TCEAL5: variants seen among roughly 807,000 people sequenced by gnomAD.
The protein encoded by TCEAL5 is transcription elongation factor A protein-like 5.
For synonymous variants in TCEAL5, 65 were observed against 61.2 expected (o/e 1.06, Z -0.29); for missense variants, 111 against 158.1 (o/e 0.70, Z 1.60).
chrX:103,276,273 CCT>C (rs1158930746), intron 1 of TCEAL5, among the ~76,000 whole-genome samples: 2 of 109,414 alleles, frequency 1.8e-5, no homozygotes, highest in Admixed American at 1.9e-4. Context: ...CAACCCTTGA[CCT>C]CTCTCGAGTT....
chrX:103,275,610 C>A (rs924058849), intron 1 of TCEAL5, among the ~76,000 whole-genome samples: 68 of 111,726 alleles, frequency 6.1e-4, no homozygotes, highest in African/African-American at 2.2e-3. Context: ...ATTTTTATCT[C>A]ACTTTTCTGG....
chrX:103,274,598 A>G lies in TCEAL5; in HGVS notation c.-27-8T>C. 1 of 1,162,504 alleles carries G rather than the reference A, an allele frequency of 8.6e-7. No homozygotes were observed. The highest frequency in any genetic ancestry group is 1.1e-6 in the Non-Finnish European group (1 of 875,684). On this transcript the variant is annotated splice_region_variant and splice_polypyrimidine_tract_variant and intron_variant, in intron 2 of 2. Coordinates refer to ENST00000372680, the MANE Select transcript of TCEAL5 (RefSeq NM_001012979.3). ...TTCCCTTCTTTGCCTTTCCTAGGAG[A>G]CAAAAAGAAGACACAGGACACTGAG...
At position 103,273,874 on chromosome X, in the gene TCEAL5, A is replaced by G. The variant is rs1925499883; in HGVS notation, c.*69T>C. Reference sequence around the variant, plus strand: ...TAAGGTTAAAGCACATAGGCCGGCAAATGCCTGCCAGGAAAAGCAGGACTG... The same window carrying G: ...TAAGGTTAAAGCACATAGGCCGGCAGATGCCTGCCAGGAAAAGCAGGACTG... On this transcript the variant is annotated 3_prime_UTR_variant, in exon 3 of 3. Coordinates refer to ENST00000372680, the MANE Select transcript of TCEAL5 (RefSeq NM_001012979.3). The G allele has an allele frequency of 1.7e-6, 2 of 1,161,247 alleles. No homozygotes were observed. Among genetic ancestry groups the G allele is most frequent in the Non-Finnish European group, 1.2e-6 (1 of 867,484 alleles).
At position 103,273,988 on chromosome X, in the gene TCEAL5, G is replaced by A. The variant is rs1338640002; in HGVS notation, c.576C>T (p.Gly192=). 3 of 1,211,720 alleles carry A rather than the reference G, an allele frequency of 2.5e-6. No individual in the cohort carries two copies. The highest frequency in any genetic ancestry group is 3.4e-6 in the Non-Finnish European group (3 of 895,456). Residue 192 remains glycine, a synonymous_variant, in exon 3 of 3, where the codon GGC becomes GGT. Coordinates refer to ENST00000372680, the MANE Select transcript of TCEAL5 (RefSeq NM_001012979.3). ...RGQRGVRGVR[G]GGRGQKDLED... ...CTAAGTCTTTCTGGCCCCTACCTCC[G>A]CCCCTCACTCCCCTCACACCCCGTT...
intron 1 of TCEAL5, among the ~76,000 whole-genome samples, chrX:103,275,887 G>C (rs896871829): frequency 2.7e-5 from 3 of 112,048 alleles, no homozygotes; most frequent in African/African-American, 3.2e-5. Context: ...TAACATTTTT[G>C]GTCTTGCTGC....
intron 2 of TCEAL5, 95 bp from the exon 3 acceptor site, chrX:103,274,685 G>A (rs1925525861): frequency 3.4e-6 from 3 of 881,995 alleles, no homozygotes; most frequent in Non-Finnish European, 1.5e-6. Context: ...GGGTTTTCCT[G>A]GCCCTATCCC....
rs1411207734 is a variant in TCEAL5, at chrX:103,274,222, C to G, written c.342G>C (p.Arg114=). 5 of 1,179,187 alleles carry G rather than the reference C, an allele frequency of 4.2e-6. No homozygotes were observed. The highest frequency in any genetic ancestry group is 5.7e-6 in the Non-Finnish European group (5 of 876,334). ...CCCTGTCGGTTTTTCTTTTTGCTTT[C>G]CGGGGCACATAATCTTCAGCCGGGC... The part of the protein sequence containing the change: ...EKRPAEDYVP[R]KAKRKTDRGT... Residue 114 remains arginine, a synonymous_variant, in exon 3 of 3, where the codon CGG becomes CGC. Transcript: ENST00000372680.
rs1385646878 is a variant in TCEAL5, at chrX:103,275,281, C to T, written c.-34G>A. 4 of 111,652 alleles carry T rather than the reference C, an allele frequency of 3.6e-5. No homozygotes were observed. Among genetic ancestry groups the T allele is most frequent in the Non-Finnish European group, 5.6e-5 (3 of 53,104 alleles). The allele number at this position is 111,652 out of a possible 1,213,427, so 9.2% of individuals were successfully genotyped here. On this transcript the variant is annotated 5_prime_UTR_variant, in exon 2 of 3. Transcript: ENST00000372680. ...GTAGCCCTCTCCCACTGACCTGCAC[C>T]GATACTGCAGGTCTTTCCTTTTCTT...
Position 103,274,189 on chromosome X carries a change from G to A in TCEAL5, c.375C>T (p.Asp125=), listed in dbSNP as rs770942031. 8 of 1,211,603 alleles carry A rather than the reference G, an allele frequency of 6.6e-6. No individual in the cohort carries two copies. Among genetic ancestry groups the A allele is most frequent in the South Asian group, 5.3e-5 (3 of 56,973 alleles). The change falls in exon 3 of 3, where the codon GAC becomes GAT. Residue 125 remains aspartate (D), a synonymous_variant. Transcript: ENST00000372680. ...KAKRKTDRGT[D]DSPKDSQEDL... ...CCTCCTGAGAGTCCTTGGGGGAATC[G>A]TCCGTCCCCCTGTCGGTTTTTCTTT...
At position 103,273,857 on chromosome X, in the gene TCEAL5, A is replaced by G; in HGVS notation, c.*86T>C. On this transcript the variant is annotated 3_prime_UTR_variant, in exon 3 of 3. Coordinates refer to ENST00000372680, the MANE Select transcript of TCEAL5 (RefSeq NM_001012979.3). The stretch of plus-strand genomic sequence containing the variant: ...AAAGGAAAGTATCAGCTTAAGGTTA[A>G]AGCACATAGGCCGGCAAATGCCTGC... The G allele has an allele frequency of 8.8e-7, 1 of 1,136,543 alleles. No individual in the cohort carries two copies. Among genetic ancestry groups the G allele is most frequent in the Non-Finnish European group, 1.2e-6 (1 of 855,034 alleles). 93.7% of individuals were successfully genotyped at this position (1,136,543 alleles called of 1,213,427 possible).
At chrX:103,274,671 C>G in intron 2 of TCEAL5, 81 bp from the exon 3 acceptor site, 1 of 999,881 alleles carries the variant, frequency 1.0e-6, no homozygotes, top group Non-Finnish European at 1.3e-6. Flanking sequence ...TCTTTCTTAA[C>G]TTAGGGTTTT....
At position 103,274,015 on chromosome X, in the gene TCEAL5, G is replaced by T. The variant is rs766869134; in HGVS notation, c.549C>A (p.Gly183=). ...CCCTCACTCCCCTCACACCCCGTTGGCCCCTTGGGGCGAATGGATCCTGTA... is the reference window on the plus strand; with the variant it reads ...CCCTCACTCCCCTCACACCCCGTTGTCCCCTTGGGGCGAATGGATCCTGTA... ...RDVQDPFAPR[G]QRGVRGVRGG... The change falls in exon 3 of 3, where the codon GGC becomes GGA. Residue 183 remains glycine (G), a synonymous_variant. Coordinates refer to ENST00000372680, the MANE Select transcript of TCEAL5 (RefSeq NM_001012979.3). The T allele has an allele frequency of 2.8e-5, 34 of 1,210,114 alleles. No individual in the cohort carries two copies. The highest frequency in any genetic ancestry group is 2.3e-4 in the Middle Eastern group (1 of 4,373).
chrX:103,273,832 A>G lies in TCEAL5; in HGVS notation c.*111T>C, dbSNP rs1925498776. 3.8e-6 allele frequency: 4 copies of G among 1,058,610 alleles called. No individual in the cohort carries two copies. The highest frequency in any genetic ancestry group is 4.8e-5 in the South Asian group (2 of 41,685). The allele number at this position is 1,058,610 out of a possible 1,213,427, so 87.2% of individuals were successfully genotyped here. On this transcript the variant is annotated 3_prime_UTR_variant, in exon 3 of 3. Coordinates refer to ENST00000372680, the MANE Select transcript of TCEAL5 (RefSeq NM_001012979.3). ...TCTGCTGGTAACAAGAGTGACACCT[A>G]AAGGAAAGTATCAGCTTAAGGTTAA...
rs746713018 is a variant in TCEAL5, at chrX:103,273,691, C to T, written c.*252G>A. 7 of 415,294 alleles carry T rather than the reference C, an allele frequency of 1.7e-5. No homozygotes were observed. The East Asian group carries it at 2.8e-4, about 16-fold the overall frequency. 34.2% of individuals were successfully genotyped at this position (415,294 alleles called of 1,213,427 possible). A position where few individuals can be genotyped will look rare whatever the true frequency, so the allele number is the denominator to read the frequency against. ...TTCAGAAATGGGCTGATACTGTATACATGGTTCTGAAAACTCTTTTTTATT... is the reference window on the plus strand; with the variant it reads ...TTCAGAAATGGGCTGATACTGTATATATGGTTCTGAAAACTCTTTTTTATT... On this transcript the variant is annotated 3_prime_UTR_variant, in exon 3 of 3. Coordinates refer to ENST00000372680, the MANE Select transcript of TCEAL5 (RefSeq NM_001012979.3).
chrX:103,276,006 C>A (rs1222562057), intron 1 of TCEAL5, among the ~76,000 whole-genome samples: 1 of 111,495 alleles, frequency 9.0e-6, no homozygotes, highest in Non-Finnish European at 1.9e-5. Flanking sequence ...TTCCCCTGAC[C>A]CCCTTAGCCC....
At chrX:103,274,698 C>T in intron 2 of TCEAL5, 108 bp from the exon 3 acceptor site, 1 of 767,856 alleles carries the variant, frequency 1.3e-6, no homozygotes, top group Non-Finnish European at 1.8e-6. Flanking sequence ...CCTATCCCAT[C>T]TTCCAGGTGC....
intron 2 of TCEAL5, 42 bp from the exon 3 acceptor site, chrX:103,274,632 G>A: frequency 1.8e-6 from 2 of 1,124,140 alleles, no homozygotes; most frequent in Non-Finnish European, 2.4e-6. Flanking sequence ...AGGGCTTTGG[G>A]GGTTGAACAC....
chrX:103,274,828 C>T (rs1411483640), intron 2 of TCEAL5, among the ~76,000 whole-genome samples: 3 of 112,025 alleles, frequency 2.7e-5, no homozygotes, highest in African/African-American at 3.2e-5. Flanking sequence ...CTGAGAAATG[C>T]GTAGGAGCAT....
rs1443904215 is a variant in TCEAL5 at position 103,273,964 on chromosome X, T to C, written c.600A>G (p.Leu200=). 4.1e-6 allele frequency: 5 copies of C among 1,211,787 alleles called. No homozygotes were observed. Among genetic ancestry groups the C allele is most frequent in the Admixed American group, 2.2e-5 (1 of 46,084 alleles). The change falls in exon 3 of 3, where the codon TTA becomes TTG. Residue 200 remains leucine (L), a synonymous_variant. Coordinates refer to ENST00000372680, the MANE Select transcript of TCEAL5 (RefSeq NM_001012979.3). The part of the protein sequence containing the change: ...VRGGGRGQKD[L]EDVPYV The stretch of plus-strand genomic sequence containing the variant: ...GACATTAAACATATGGGACATCTTC[T>C]AAGTCTTTCTGGCCCCTACCTCCGC...
Sources: gnomAD v4.1 joint callset for allele counts (sites outside exome capture counted in the v4.1 genomes callset) on GRCh38, gnomAD v4.1.1 for gene constraint, MANE v1.5 for transcripts, NCBI Gene and HGNC (gene_info 2026-07-23, HGNC 2026-07-21) for gene names.